PXMP2: variants seen among roughly 807,000 people sequenced by gnomAD.
PXMP2 encodes 22 kDa peroxisomal membrane protein.
In PXMP2, 13 loss-of-function variants were observed where a neutral mutation model predicts 20.2. That is an observed-to-expected ratio of 0.64 (90% CI 0.42 to 1.02). The LOEUF is 1.02. Among genes scored for constraint, PXMP2 ranks in the 50% least tolerant of loss-of-function variants. The pLI, the probability that PXMP2 is intolerant of heterozygous loss-of-function variation, is 0.00. For synonymous variants in PXMP2, 113 were observed against 111.2 expected, an observed-to-expected ratio of 1.02 and a Z score of -0.10; for missense variants, 284 against 251.8, an observed-to-expected ratio of 1.13 and a Z score of -0.87.
intron 1 of PXMP2, 112 bp from the exon 2 acceptor site, chr12:132,690,151 A>G (rs191907767): frequency 1.3e-6 from 1 of 777,492 alleles, no homozygotes; most frequent in African/African-American, 1.7e-5. Flanking sequence ...AAGAATTCCT[A>G]CCCCCCGCCC....
intron 3 of PXMP2, among the ~76,000 whole-genome samples, chr12:132,697,316 A>ATAAG (rs36071121): frequency 6.6e-6 from 1 of 151,246 alleles, no homozygotes; most frequent in Non-Finnish European, 1.5e-5. Flanking sequence ...AAATAAATAA[A>ATAAG]CACATTAGTC....
chr12:132,687,695 C>G lies in PXMP2; in HGVS notation c.25C>G (p.Arg9Gly). 9 of 1,186,956 alleles carry G rather than the reference C, an allele frequency of 7.6e-6. No homozygotes were observed. Among genetic ancestry groups the G allele is most frequent in the Non-Finnish European group, 9.3e-6 (9 of 962,926 alleles). 73.5% of individuals were successfully genotyped at this position (1,186,956 alleles called of 1,614,324 possible). A position where few individuals can be genotyped will look rare whatever the true frequency, so the allele number is the denominator to read the frequency against. Residue 9 changes from arginine (R) to glycine (G), a missense_variant, in exon 1 of 5, where the codon CGG becomes GGG. Transcript: ENST00000317479. MAPAASRL[R>G]AEAGLGALPR... ...GATGGCGCCGGCCGCGTCCAGGCTG[C>G]GGGCCGAAGCCGGGCTCGGGGCGCT...
rs2043402721 is a variant in PXMP2, at chr12:132,695,031, CTCCCTTAGCCAGTTAGTTAGTGAGT to C, written c.237-852_237-828del. ...CTCCCTTAGCCAGTTAGTTAGTGAG[CTCCCTTAGCCAGTTAGTTAGTGAGT>C]GCCCTTGCCAGTTAGTTAGTGAGCT... On this transcript the variant is annotated intron_variant, in intron 2 of 4. Transcript: ENST00000317479. 4.2e-5 allele frequency among the ~76,000 whole-genome samples: 6 copies of C among 144,258 alleles called. No individual in the cohort carries two copies. In the South Asian group the frequency reaches 1.3e-3, roughly 32 times the overall value. 94.6% of individuals were successfully genotyped at this position (144,258 alleles called of 152,430 possible). A position where few individuals can be genotyped will look rare whatever the true frequency, so the allele number is the denominator to read the frequency against.
intron 1 of PXMP2, chr12:132,688,173 CAGGGCGAGGGGAGCGGG>C (rs1302374956): frequency 5.6e-6 from 1 of 179,510 alleles, no homozygotes; most frequent in African/African-American, 2.6e-5. Context: ...CGGGTGAAGA[CAGGGCGAGGGGAGCGGG>C]TCTGCGGGGC....
intron 4 of PXMP2, chr12:132,702,572 G>T: frequency 7.5e-6 from 2 of 267,014 alleles, no homozygotes; most frequent in Non-Finnish European, 1.5e-5. Flanking sequence ...AAGGTATGCC[G>T]CCCATCAGGG....
At chr12:132,690,153 C>T in intron 1 of PXMP2, 110 bp from the exon 2 acceptor site, 2 of 790,884 alleles carry the variant, frequency 2.5e-6, no homozygotes, top group Non-Finnish European at 4.3e-6. Context: ...GAATTCCTAC[C>T]CCCCGCCCAT....
chr12:132,692,688 G>T (rs1331924611), intron 2 of PXMP2, among the ~76,000 whole-genome samples: 15 of 105,510 alleles, frequency 1.4e-4, no homozygotes, highest in East Asian at 6.0e-4. Context: ...GTTAGTGAGC[G>T]CCCTTGCCAG....
intron 2 of PXMP2, among the ~76,000 whole-genome samples, chr12:132,693,153 CTTAG>C (rs1455037191): frequency 1.9e-4 from 4 of 21,294 alleles, no homozygotes; most frequent in East Asian, 1.1e-3. Context: ...AGTGAGCTCC[CTTAG>C]TTAGTTAGTG....
rs2043310570 is a variant in PXMP2 at position 132,687,611 on chromosome 12, C to T, written c.-60C>T. On this transcript the variant is annotated 5_prime_UTR_variant, in exon 1 of 5. Transcript: ENST00000317479. ...CACTCCGCTCTCGGCGCCTCGGGCT[C>T]CGCGCCCGGCCAGCCTGAGGTGGGG... The T allele has an allele frequency of 1.7e-6, 2 of 1,162,706 alleles. No homozygotes were observed. Among genetic ancestry groups the T allele is most frequent in the Non-Finnish European group, 2.1e-6 (2 of 943,964 alleles). 72.0% of individuals were successfully genotyped at this position (1,162,706 alleles called of 1,614,324 possible).
intron 1 of PXMP2, among the ~76,000 whole-genome samples, chr12:132,689,150 G>A (rs373253528): frequency 2.3e-5 from 3 of 131,404 alleles, no homozygotes; most frequent in African/African-American, 5.9e-5. Context: ...GGTGAAGACA[G>A]GGCGAGGGGA....
chr12:132,690,812 G>T (rs2136059209), intron 2 of PXMP2, among the ~76,000 whole-genome samples: 1 of 152,238 alleles, frequency 6.6e-6, no homozygotes, highest in Middle Eastern at 3.4e-3. Context: ...CTCCCAAAGT[G>T]CTGGGATTAC....
At chr12:132,693,030 C>T (rs371828338) in intron 2 of PXMP2, among the ~76,000 whole-genome samples, 3 of 61,126 alleles carry the variant, frequency 4.9e-5, no homozygotes, top group East Asian at 3.7e-4. Context: ...GTTAAGTGAG[C>T]GCCCTTAGCC....
At chr12:132,688,470 T>G (rs1475023093) in intron 1 of PXMP2, among the ~76,000 whole-genome samples, 5 of 4,826 alleles carry the variant, frequency 1.0e-3, no homozygotes, top group East Asian at 3.5e-3. Context: ...CGGGTCCTCA[T>G]GGCGCGGGTG....
chr12:132,689,294 C>G (rs1216342338), intron 1 of PXMP2, among the ~76,000 whole-genome samples: 1 of 151,718 alleles, frequency 6.6e-6, no homozygotes, highest in Non-Finnish European at 1.5e-5. Flanking sequence ...CTGCGGGGCG[C>G]GGGTCCGCAC....
At position 132,701,334 on chromosome 12, in the gene PXMP2, C is replaced by T. The variant is rs1440619758; in HGVS notation, c.484C>T (p.Leu162=). The change falls in exon 4 of 5, where the codon CTA becomes TTA. Residue 162 remains leucine (L), a synonymous_variant. Coordinates refer to ENST00000317479, the MANE Select transcript of PXMP2 (RefSeq NM_018663.3). ...LRMNWRVWTP[L]QFININYVPL... ...GATGAACTGGCGGGTGTGGACGCCA[C>T]TACAGTTCATCAACATCAACTACGT... 1 of 1,613,212 alleles carries T rather than the reference C, an allele frequency of 6.2e-7. No individual in the cohort carries two copies. Among genetic ancestry groups the T allele is most frequent in the South Asian group, 1.1e-5 (1 of 91,060 alleles).
intron 2 of PXMP2, among the ~76,000 whole-genome samples, chr12:132,691,051 ATTTTTT>A (rs35869908): frequency 7.5e-6 from 1 of 133,740 alleles, no homozygotes; most frequent in Non-Finnish European, 1.6e-5. Context: ...TGTTATTTTA[ATTTTTT>A]TTTTTTTTTT....
rs1253061435 is a variant in PXMP2 at position 132,696,259 on chromosome 12, A to G, written c.399+213A>G. On this transcript the variant is annotated intron_variant, in intron 3 of 4. Coordinates refer to ENST00000317479, the MANE Select transcript of PXMP2 (RefSeq NM_018663.3). This position sits in a 1 kb window ranked among gnomAD's most constrained non-coding sequence, Gnocchi z 4.4. Reference sequence around the variant, plus strand: ...TTTATTTATTTATTTATTTAAAGACAGGGTTTCACTCTGTCACCCAGGCTG... The same window carrying G: ...TTTATTTATTTATTTATTTAAAGACGGGGTTTCACTCTGTCACCCAGGCTG... Among the ~76,000 whole-genome samples, 1 of 152,096 alleles carries G rather than the reference A, an allele frequency of 6.6e-6. No individual in the cohort carries two copies. The highest frequency in any genetic ancestry group is 1.5e-5 in the Non-Finnish European group (1 of 68,018).
intron 2 of PXMP2, among the ~76,000 whole-genome samples, 189 bp from the exon 3 acceptor site, chr12:132,695,695 A>C (rs1274826376): frequency 3.9e-5 from 6 of 152,208 alleles, no homozygotes. Context: ...CGGCAGGAGC[A>C]AGTCTGGTCT....
intron 2 of PXMP2, among the ~76,000 whole-genome samples, 178 bp downstream of exon 2, chr12:132,690,554 C>T (rs1484600828): frequency 3.4e-5 from 5 of 146,428 alleles, no homozygotes; most frequent in Non-Finnish European, 6.0e-5. Flanking sequence ...CATATATACG[C>T]ATACGTGGTT....
Sources: allele counts gnomAD v4.1 joint callset (sites outside exome capture counted in the v4.1 genomes callset), GRCh38; gene constraint gnomAD v4.1.1; non-coding constraint Gnocchi (gnomAD v3.1); transcripts MANE v1.5; gene names NCBI Gene and HGNC (gene_info 2026-07-23, HGNC 2026-07-21).